Variants in RABGAP1L observed in about 807,000 individuals in gnomAD.
RABGAP1L encodes RAB GTPase activating protein 1 like.
In RABGAP1L, 63 loss-of-function variants were observed where a neutral mutation model predicts 137.7. The ratio of observed to expected loss-of-function variants is 0.46; its 90% CI spans 0.37 to 0.56. The LOEUF (loss-of-function observed/expected upper bound fraction) is 0.56. Ranked by LOEUF, RABGAP1L falls within the 20% of genes least tolerant of loss-of-function variation. The probability of loss-of-function intolerance (pLI) is 0.00; values close to 1 mark genes in which losing one functional copy is unlikely to be tolerated. For synonymous variants in RABGAP1L, 431 were observed against 433.7 expected, an observed-to-expected ratio of 0.99 and a Z score of 0.08; for missense variants, 1,095 against 1,244.0, an observed-to-expected ratio of 0.88 and a Z score of 1.80.
At chr1:174,950,469 C>G (rs1358022924) in intron 19 of RABGAP1L, among the ~76,000 whole-genome samples, 1 of 152,102 alleles carries the variant, frequency 6.6e-6, no homozygotes, top group Non-Finnish European at 1.5e-5. Flanking sequence ...AGGGCGTGTT[C>G]CTCCTCTTGA....
chr1:174,589,887 T>C (rs1272441216), intron 13 of RABGAP1L, among the ~76,000 whole-genome samples: 2 of 152,162 alleles, frequency 1.3e-5, no homozygotes. Flanking sequence ...TGAAGTCAGG[T>C]AATGTGAGTT....
chr1:174,941,883 A>G (rs547297415), intron 19 of RABGAP1L, among the ~76,000 whole-genome samples: 41 of 152,278 alleles, frequency 2.7e-4, no homozygotes, highest in African/African-American at 9.9e-4. Flanking sequence ...GGCATTAATA[A>G]AATTTTAAAA....
intron 11 of RABGAP1L, among the ~76,000 whole-genome samples, chr1:174,310,075 G>A (rs1266856818): frequency 1.3e-5 from 2 of 151,990 alleles, no homozygotes; most frequent in East Asian, 3.9e-4. Context: ...TCTATTTCTT[G>A]ATAATTCAAT....
rs1261146605 is a variant in RABGAP1L, at chr1:174,219,239, G to A, written c.82G>A (p.Val28Ile). 6.2e-7 allele frequency: 1 copy of A among 1,604,254 alleles called. No individual in the cohort carries two copies. Among genetic ancestry groups the A allele is most frequent in the Non-Finnish European group, 8.5e-7 (1 of 1,174,474 alleles). Residue 28 changes from valine to isoleucine, a missense_variant, in exon 2 of 26, where the codon GTT becomes ATT. Val to Ile is a conservative substitution (Grantham distance 29). Around this residue, in one of 4 missense-constraint regions of RABGAP1L, gnomAD observed 356 missense variants for 326.3 expected, o/e 1.09. Coordinates refer to ENST00000681986, the MANE Select transcript of RABGAP1L (RefSeq NM_001366446.1). Reference sequence around the variant, plus strand: ...AATGAACAGTGAAGAATTTGTTTTGGTTCCTCAGTATGCAGATGATAATTC... The same window carrying A: ...AATGAACAGTGAAGAATTTGTTTTGATTCCTCAGTATGCAGATGATAATTC... ...ATMNSEEFVL[V>I]PQYADDNSTK... is the part of the protein sequence containing the mutation.
intron 19 of RABGAP1L, among the ~76,000 whole-genome samples, chr1:174,906,677 TAC>T (rs1659143888): frequency 6.6e-6 from 1 of 151,740 alleles, no homozygotes. Context: ...ACTTTCCAGG[TAC>T]AAGAAAGCCT....
At chr1:174,893,310 G>A (rs992955828) in intron 19 of RABGAP1L, among the ~76,000 whole-genome samples, 3 of 152,108 alleles carry the variant, frequency 2.0e-5, no homozygotes, top group African/African-American at 7.2e-5. Flanking sequence ...GAAATCACAG[G>A]CTTAGCCTGG....
At chr1:174,520,452 CTATT>C (rs776615739) in intron 13 of RABGAP1L, among the ~76,000 whole-genome samples, 8 of 152,204 alleles carry the variant, frequency 5.3e-5, no homozygotes, top group African/African-American at 7.2e-5. Context: ...ATGATAAAAA[CTATT>C]TAACAACATC....
At chr1:174,948,452 G>A (rs553706513) in intron 19 of RABGAP1L, among the ~76,000 whole-genome samples, 25 of 147,886 alleles carry the variant, frequency 1.7e-4, no homozygotes, top group Non-Finnish European at 3.6e-4. Context: ...CCAGGAGGTC[G>A]AGGCTACAGT....
At chr1:174,677,610 T>C (rs1677738842) in intron 14 of RABGAP1L, among the ~76,000 whole-genome samples, 1 of 152,210 alleles carries the variant, frequency 6.6e-6, no homozygotes, top group African/African-American at 2.4e-5. Flanking sequence ...TTTCTGAGGC[T>C]ATAGCCTTGG....
At chr1:174,695,635 A>G (rs1250067315) in intron 15 of RABGAP1L, among the ~76,000 whole-genome samples, 2 of 152,130 alleles carry the variant, frequency 1.3e-5, no homozygotes, top group African/African-American at 4.8e-5. Context: ...TGATGAGGTC[A>G]TGTTTTCCTG....
intron 13 of RABGAP1L, among the ~76,000 whole-genome samples, chr1:174,547,117 C>G (rs1052327184): frequency 2.1e-5 from 3 of 141,970 alleles, no homozygotes; most frequent in Non-Finnish European, 4.6e-5. Context: ...CTTTTTAAAA[C>G]TGAGTTTTGA....
chr1:174,727,293 T>C (rs565584245), intron 17 of RABGAP1L, among the ~76,000 whole-genome samples: 3 of 152,228 alleles, frequency 2.0e-5, no homozygotes, highest in Non-Finnish European at 4.4e-5. Flanking sequence ...TATAGGATCA[T>C]AAACTCTTTG....
intron 12 of RABGAP1L, among the ~76,000 whole-genome samples, chr1:174,385,170 T>G (rs916954626): frequency 1.3e-5 from 2 of 152,214 alleles, no homozygotes; most frequent in African/African-American, 4.8e-5. Context: ...GATAATTACA[T>G]GTTGCACTAG....
intron 17 of RABGAP1L, among the ~76,000 whole-genome samples, chr1:174,707,074 G>A (rs1680103723): frequency 6.6e-6 from 1 of 152,134 alleles, no homozygotes; most frequent in Admixed American, 6.5e-5. Context: ...TACACATCAA[G>A]GAGTAGAATT....
chr1:174,419,946 T>C (rs1399166741), intron 13 of RABGAP1L, among the ~76,000 whole-genome samples: 2 of 152,190 alleles, frequency 1.3e-5, no homozygotes, highest in Non-Finnish European at 2.9e-5. Flanking sequence ...AAATTTTCCA[T>C]TTGAGCCCAA....
intron 19 of RABGAP1L, among the ~76,000 whole-genome samples, chr1:174,855,644 C>T (rs932970327): frequency 1.3e-5 from 2 of 152,138 alleles, no homozygotes; most frequent in African/African-American, 2.4e-5. Flanking sequence ...CTTCTATGGG[C>T]CTCATTTTCT....
intron 13 of RABGAP1L, among the ~76,000 whole-genome samples, chr1:174,632,965 C>A (rs1228500013): frequency 6.6e-6 from 1 of 151,992 alleles, no homozygotes; most frequent in African/African-American, 2.4e-5. Flanking sequence ...GGAGGAGAGG[C>A]GCTCTGCGTT....
chr1:174,946,337 TG>T (rs1354659993), intron 19 of RABGAP1L, among the ~76,000 whole-genome samples: 1 of 152,138 alleles, frequency 6.6e-6, no homozygotes, highest in Non-Finnish European at 1.5e-5. Context: ...TTAACTTTGG[TG>T]TCAAAAAGAC....
intron 13 of RABGAP1L, among the ~76,000 whole-genome samples, chr1:174,397,063 G>A (rs936663326): frequency 6.6e-6 from 1 of 152,032 alleles, no homozygotes; most frequent in Non-Finnish European, 1.5e-5. Flanking sequence ...GATTGCTTGA[G>A]CCCAGGAGAT....
Sources: allele counts gnomAD v4.1 joint callset (sites outside exome capture counted in the v4.1 genomes callset), GRCh38; gene constraint gnomAD v4.1.1; regional missense constraint gnomAD v4.1.1; transcripts MANE v1.5; gene names NCBI Gene and HGNC (gene_info 2026-07-23, HGNC 2026-07-21).